TBCD: variants seen among roughly 807,000 people sequenced by gnomAD.
The protein encoded by TBCD is tubulin-specific chaperone D.
Under a neutral mutation model 169.3 loss-of-function variants are expected in TBCD, and 105 were observed. The ratio of observed to expected loss-of-function variants is 0.62; its 90% CI spans 0.53 to 0.73. TBCD has a LOEUF of 0.73. TBCD is among the 30% of genes least tolerant of loss of function. The pLI is 0.00. For missense variants in TBCD, 1,444 were observed against 1,600.1 expected (o/e 0.90, Z 1.66); for synonymous variants, 700 against 643.9 (o/e 1.09, Z -1.32).
At position 82,831,780 on chromosome 17, in the gene TBCD, T is replaced by C. The variant is rs964623067; in HGVS notation, c.1318+16846T>C. On this transcript the variant is annotated intron_variant, in intron 13 of 38. Transcript: ENST00000355528. This position sits in a 1 kb window ranked among gnomAD's most constrained non-coding sequence, Gnocchi z 4.6. ...AAGGGGAAATGGCCCCAAGCCCCTT[T>C]GTAGATGAGATTTTATGTGGAAACT... 1.2e-6 allele frequency: 2 copies of C among 1,613,980 alleles called. No homozygotes were observed. The highest frequency in any genetic ancestry group is 1.7e-5 in the Admixed American group (1 of 60,004).
Position 82,931,212 on chromosome 17 carries a change from C to T in TBCD, c.3113+569C>T, listed in dbSNP as rs3785515. Among the ~76,000 whole-genome samples the T allele has an allele frequency of 1.4e-3, 219 of 152,348 alleles. 1 individual carries two copies. In the East Asian group the frequency reaches 0.037, roughly 26 times the overall value. ...GGCCTGGTGTCCCCTCGGGCGGGGC[C>T]TCGGCAGCCTCTCCCATGAGAGCAC... On this transcript the variant is annotated intron_variant, in intron 33 of 38. Transcript: ENST00000355528.
intron 6 of TBCD, among the ~76,000 whole-genome samples, chr17:82,777,825 T>G (rs1193628319): frequency 6.8e-6 from 1 of 146,456 alleles, no homozygotes; most frequent in African/African-American, 2.5e-5. Context: ...AGGAGTAGAG[T>G]CTTCTCTAAA....
At position 82,835,161 on chromosome 17, in the gene TBCD, G is replaced by C. The variant is rs1422473608; in HGVS notation, c.1318+20227G>C. Among the ~76,000 whole-genome samples the C allele has an allele frequency of 1.3e-5, 2 of 152,176 alleles. No homozygotes were observed. The highest frequency in any genetic ancestry group is 2.9e-5 in the Non-Finnish European group (2 of 68,028). On this transcript the variant is annotated intron_variant, in intron 13 of 38. Transcript: ENST00000355528. The surrounding 1 kb of genome is among the most constrained non-coding windows in gnomAD (Gnocchi z 4.5). ...GATGTGCCCATTCTTGAGTCTGTGA[G>C]GTTTTATGTGTAGACATCAGGGTGG... is the stretch of plus-strand genomic sequence containing the variant.
chr17:82,760,007 C>T (rs993366817), intron 2 of TBCD, among the ~76,000 whole-genome samples: 9 of 151,872 alleles, frequency 5.9e-5, no homozygotes, highest in African/African-American at 2.2e-4. Context: ...CTGCCTCAGC[C>T]TCCCGAGTAG....
At chr17:82,859,223 G>A (rs894672538) in intron 13 of TBCD, among the ~76,000 whole-genome samples, 13 of 151,198 alleles carry the variant, frequency 8.6e-5, no homozygotes, top group Admixed American at 6.6e-5. Context: ...TGGCTTTCAG[G>A]GAAAGAGAGT....
rs921058121 is a variant in TBCD, at chr17:82,752,136, C to G, written c.-58C>G. On this transcript the variant is annotated 5_prime_UTR_variant, in exon 1 of 39. Coordinates refer to ENST00000355528, the MANE Select transcript of TBCD (RefSeq NM_005993.5). Reference sequence around the variant, plus strand: ...ATCCTTCATCCCTGGCTTTCGCGCTCTAGCGGAGTGGGATCTGCGAACACG... The same window carrying G: ...ATCCTTCATCCCTGGCTTTCGCGCTGTAGCGGAGTGGGATCTGCGAACACG... The G allele has an allele frequency of 6.9e-6, 10 of 1,443,006 alleles. No homozygotes were observed. The African/African-American group carries it at 7.5e-5, about 11-fold the overall frequency. The allele number at this position is 1,443,006 out of a possible 1,614,324, so 89.4% of individuals were successfully genotyped here.
rs1288908162 is a variant in TBCD, at chr17:82,907,784, A to C, written c.1946A>C (p.Glu649Ala). ...ENRPVTDHLD[E>A]QAVQGLKQIH... is the part of the protein sequence containing the mutation. ...AGGCCCGTCACGGACCATCTGGACG[A>C]GCAGGCAGTGCAGGGCCTGAAGCAG... Residue 649 changes from glutamate to alanine, a missense_variant, in exon 21 of 39, where the codon GAG becomes GCG. By Grantham distance (107) the Glu-to-Ala change is moderately radical. Transcript: ENST00000355528. The C allele has an allele frequency of 1.9e-5, 30 of 1,613,716 alleles. No individual in the cohort carries two copies. The highest frequency in any genetic ancestry group is 2.5e-5 in the Non-Finnish European group (30 of 1,179,816).
chr17:82,791,909 C>T (rs897725599), intron 7 of TBCD, among the ~76,000 whole-genome samples: 12 of 152,042 alleles, frequency 7.9e-5, no homozygotes, highest in African/African-American at 2.2e-4. Flanking sequence ...TGGTGTGGCC[C>T]GCTGCTCCCA....
intron 17 of TBCD, among the ~76,000 whole-genome samples, chr17:82,896,197 C>G (rs1313965312): frequency 6.6e-6 from 1 of 152,150 alleles, no homozygotes; most frequent in Non-Finnish European, 1.5e-5. Flanking sequence ...TGGGCACTCT[C>G]CTCACTCACA....
intron 13 of TBCD, among the ~76,000 whole-genome samples, chr17:82,846,069 C>T (rs914296415): frequency 1.3e-5 from 2 of 152,252 alleles, no homozygotes; most frequent in Admixed American, 6.5e-5. Flanking sequence ...CGGAGGGCAC[C>T]TCTCGCCTGG....
chr17:82,797,096 T>C (rs2050159218), intron 7 of TBCD, among the ~76,000 whole-genome samples: 1 of 152,264 alleles, frequency 6.6e-6, no homozygotes, highest in African/African-American at 2.4e-5. Flanking sequence ...TGGATATTTA[T>C]GTGAATCATC....
chr17:82,886,496 TTAAAG>T (rs1323149065), intron 15 of TBCD, among the ~76,000 whole-genome samples: 5 of 151,120 alleles, frequency 3.3e-5, no homozygotes, highest in Non-Finnish European at 5.9e-5. Flanking sequence ...TCACTCACAG[TTAAAG>T]TAAAGGCACT....
chr17:82,819,638 G>A (rs1265973396), intron 13 of TBCD, among the ~76,000 whole-genome samples: 2 of 152,312 alleles, frequency 1.3e-5, no homozygotes, highest in South Asian at 4.1e-4. Flanking sequence ...AGCCATGATC[G>A]CAGTGCTGCA....
chr17:82,923,517 G>T lies in TBCD; in HGVS notation c.2179-135G>T. ...CCGCTGGGTCCCTGGTCAGGCAGGG[G>T]CTGCTCTGACCTCAGGGTGACCACG... is the stretch of plus-strand genomic sequence containing the variant. On this transcript the variant is annotated intron_variant, in intron 25 of 38. Coordinates refer to ENST00000355528, the MANE Select transcript of TBCD (RefSeq NM_005993.5). This position sits in a 1 kb window ranked among gnomAD's most constrained non-coding sequence, Gnocchi z 4.6. The T allele has an allele frequency of 1.4e-6, 1 of 709,374 alleles. No individual in the cohort carries two copies. Among genetic ancestry groups the T allele is most frequent in the South Asian group, 1.7e-5 (1 of 59,138 alleles). 43.9% of individuals were successfully genotyped at this position (709,374 alleles called of 1,614,324 possible).
rs2051527837 is a variant in TBCD at position 82,812,556 on chromosome 17, T to A, written c.1224-2284T>A. On this transcript the variant is annotated intron_variant, in intron 12 of 38. Coordinates refer to ENST00000355528, the MANE Select transcript of TBCD (RefSeq NM_005993.5). ...AGATGGATACAGAGGTTTTCTTGTT[T>A]TGTTTTTGAGATGGAGTCTCGCTCT... Among the ~76,000 whole-genome samples the A allele has an allele frequency of 2.6e-5, 4 of 152,188 alleles. No individual in the cohort carries two copies. In the South Asian group the frequency reaches 8.3e-4, roughly 32 times the overall value.
At chr17:82,784,116 T>A (rs1212194480) in intron 7 of TBCD, among the ~76,000 whole-genome samples, 1 of 151,780 alleles carries the variant, frequency 6.6e-6, no homozygotes, top group Non-Finnish European at 1.5e-5. Context: ...AGAGCAAGAC[T>A]CTGCCAGAAA....
At chr17:82,940,221 G>GACACA (rs1555672969) in intron 37 of TBCD, among the ~76,000 whole-genome samples, 1 of 131,700 alleles carries the variant, frequency 7.6e-6, no homozygotes, top group Non-Finnish European at 1.7e-5. Flanking sequence ...TTGCACGCGC[G>GACACA]CACACACACA....
At chr17:82,911,937 G>C (rs1284143770) in intron 23 of TBCD, 148 bp downstream of exon 23, 2 of 753,510 alleles carry the variant, frequency 2.7e-6, no homozygotes, top group Non-Finnish European at 4.5e-6. Flanking sequence ...TCTGTGATGT[G>C]CTTGGTTTGT....
intron 1 of TBCD, 53 bp from the exon 2 acceptor site, chr17:82,756,112 A>G (rs933282807): frequency 6.6e-7 from 1 of 1,506,130 alleles, no homozygotes; most frequent in East Asian, 2.4e-5. Context: ...TCTGAGGCTC[A>G]TGGGTATGTT....
Sources: allele counts gnomAD v4.1 joint callset (sites outside exome capture counted in the v4.1 genomes callset), GRCh38; gene constraint gnomAD v4.1.1; non-coding constraint Gnocchi (gnomAD v3.1); transcripts MANE v1.5; gene names NCBI Gene and HGNC (gene_info 2026-07-23, HGNC 2026-07-21).